The following SPAG16 variants were observed in gnomAD, a reference collection of about 807,000 sequenced individuals.
The protein encoded by SPAG16 is sperm-associated antigen 16 protein.
Under a neutral mutation model 80.4 loss-of-function variants are expected in SPAG16, and 86 were observed. That is an observed-to-expected ratio of 1.07 (90% confidence interval 0.90 to 1.28). The LOEUF (loss-of-function observed/expected upper bound fraction) is 1.28. SPAG16 is among the 50% of genes most tolerant of loss of function. SPAG16 has a pLI of 0.00. For missense variants in SPAG16, 870 were observed against 765.3 expected (o/e 1.14, Z -1.61); for synonymous variants, 294 against 265.9 (o/e 1.11, Z -1.03).
chr2:213,489,488 A>G (rs2074147379), intron 9 of SPAG16, among the ~76,000 whole-genome samples: 1 of 152,136 alleles, frequency 6.6e-6, no homozygotes, highest in Admixed American at 6.5e-5. Context: ...GTGTCCTTAG[A>G]TTTAAAAAGA....
chr2:213,298,763 T>G (rs951257221), intron 3 of SPAG16, among the ~76,000 whole-genome samples: 1 of 152,240 alleles, frequency 6.6e-6, no homozygotes, highest in East Asian at 1.9e-4. Context: ...AAGCTTTTCT[T>G]TATCATAACC....
chr2:213,850,264 G>A, intron 10 of SPAG16, among the ~76,000 whole-genome samples: 1 of 152,174 alleles, frequency 6.6e-6, no homozygotes, highest in East Asian at 1.9e-4. Flanking sequence ...AAACTAGAAA[G>A]ATGTGATACC....
In SPAG16 at chr2:214,124,488, A is replaced by G. The variant is rs374205163; in HGVS notation, c.1593+16227A>G. Among the ~76,000 whole-genome samples, 56 of 152,004 alleles carry G rather than the reference A, an allele frequency of 3.7e-4. 2 individuals carry two copies. The South Asian group carries it at 0.011, about 30-fold the overall frequency. ...AAGTATAAAAAACTACATGTATGATAAACAGCATGAATTTTTAAGATTGTT... is the reference window on the plus strand; with the variant it reads ...AAGTATAAAAAACTACATGTATGATGAACAGCATGAATTTTTAAGATTGTT... On this transcript the variant is annotated intron_variant, in intron 14 of 15. Transcript: ENST00000331683.
At chr2:213,728,802 G>A (rs955377308) in intron 10 of SPAG16, among the ~76,000 whole-genome samples, 1 of 146,794 alleles carries the variant, frequency 6.8e-6, no homozygotes, top group Non-Finnish European at 1.5e-5. Flanking sequence ...GCACGAACTC[G>A]GGAGGCAGAG....
chr2:214,236,311 T>A (rs1478846586), intron 15 of SPAG16, among the ~76,000 whole-genome samples: 1 of 152,188 alleles, frequency 6.6e-6, no homozygotes, highest in Non-Finnish European at 1.5e-5. Flanking sequence ...TAGGTGCTTA[T>A]AAAGAATTAC....
intron 10 of SPAG16, among the ~76,000 whole-genome samples, chr2:213,731,398 G>T (rs1486099971): frequency 3.3e-5 from 5 of 151,376 alleles, no homozygotes; most frequent in African/African-American, 1.2e-4. Flanking sequence ...GACATCAGGT[G>T]ATCCATCCAC....
chr2:214,163,659 G>A (rs1390136363), intron 15 of SPAG16, among the ~76,000 whole-genome samples: 2 of 151,504 alleles, frequency 1.3e-5, no homozygotes, highest in Admixed American at 1.3e-4. Context: ...GAGAAAGAGA[G>A]AGAGAGGAAA....
intron 15 of SPAG16, among the ~76,000 whole-genome samples, chr2:214,354,364 G>A (rs1454618604): frequency 6.6e-6 from 1 of 152,072 alleles, no homozygotes; most frequent in African/African-American, 2.4e-5. Flanking sequence ...CTATATCTCT[G>A]TTTTGGTACC....
rs150767057 is a variant in SPAG16 at position 214,106,855 on chromosome 2, C to T, written c.1528-1341C>T. The stretch of plus-strand genomic sequence containing the variant: ...TTGTTCCAGAAATGTGTGAGGCAAA[C>T]ATCTACTTGGAGACATTTGCTCTAG... On this transcript the variant is annotated intron_variant, in intron 13 of 15. Transcript: ENST00000331683. Among the ~76,000 whole-genome samples the T allele has an allele frequency of 7.0e-3, 1,059 of 152,234 alleles. 16 individuals are homozygous for T. Among genetic ancestry groups the T allele is most frequent in the African/African-American group, 0.024 (991 of 41,564 alleles).
At chr2:213,784,986 G>A (rs1475062735) in intron 10 of SPAG16, among the ~76,000 whole-genome samples, 1 of 152,122 alleles carries the variant, frequency 6.6e-6, no homozygotes, top group African/African-American at 2.4e-5. Context: ...AAGGCTAAGT[G>A]TAGTGCTTAC....
chr2:214,196,319 G>A (rs2057836951), intron 15 of SPAG16, among the ~76,000 whole-genome samples: 1 of 152,014 alleles, frequency 6.6e-6, no homozygotes, highest in Non-Finnish European at 1.5e-5. Flanking sequence ...AAGCATGAAA[G>A]AATTTCTTGT....
chr2:213,943,099 C>T (rs1007731430), intron 12 of SPAG16, among the ~76,000 whole-genome samples: 2 of 152,144 alleles, frequency 1.3e-5, no homozygotes, highest in South Asian at 2.1e-4. Flanking sequence ...TTAGATTTCC[C>T]GGCCTCCAGA....
At chr2:214,068,391 G>A (rs149532123) in intron 13 of SPAG16, among the ~76,000 whole-genome samples, 128 of 152,140 alleles carry the variant, frequency 8.4e-4, no homozygotes, top group African/African-American at 3.0e-3. Flanking sequence ...TATTTTAACT[G>A]GACATAGAGC....
At chr2:213,422,257 G>A (rs1013722406) in intron 9 of SPAG16, 25 of 702,034 alleles carry the variant, frequency 3.6e-5, no homozygotes, top group African/African-American at 3.0e-4. Flanking sequence ...CAAGCATCCA[G>A]ACGCCACTGA....
At chr2:213,685,271 G>T (rs758467130) in intron 10 of SPAG16, among the ~76,000 whole-genome samples, 5 of 152,226 alleles carry the variant, frequency 3.3e-5, no homozygotes, top group Non-Finnish European at 7.3e-5. Flanking sequence ...AGGTCACTGG[G>T]GTAGACCCCA....
chr2:213,767,827 G>A (rs1468421811), intron 10 of SPAG16, among the ~76,000 whole-genome samples: 1 of 152,166 alleles, frequency 6.6e-6, no homozygotes, highest in East Asian at 1.9e-4. Flanking sequence ...CAACAAATGA[G>A]CCTGCCACTG....
chr2:213,946,327 C>T (rs1247891294), intron 12 of SPAG16, among the ~76,000 whole-genome samples: 1 of 151,038 alleles, frequency 6.6e-6, no homozygotes, highest in African/African-American at 2.5e-5. Flanking sequence ...ATTGGCCAGG[C>T]TGGTCTTGAA....
intron 12 of SPAG16, among the ~76,000 whole-genome samples, chr2:213,997,609 A>G (rs1286296479): frequency 6.6e-6 from 1 of 152,216 alleles, no homozygotes; most frequent in Non-Finnish European, 1.5e-5. Flanking sequence ...TCCTCATTCA[A>G]ACATTAAAAA....
At chr2:213,797,994 G>T (rs762185150) in intron 10 of SPAG16, among the ~76,000 whole-genome samples, 1 of 152,080 alleles carries the variant, frequency 6.6e-6, no homozygotes, top group Non-Finnish European at 1.5e-5. Context: ...TCTTTCTTTT[G>T]ATTATATTTC....
Sources: allele counts gnomAD v4.1 joint callset (sites outside exome capture counted in the v4.1 genomes callset), GRCh38; gene constraint gnomAD v4.1.1; transcripts MANE v1.5; gene names NCBI Gene and HGNC (gene_info 2026-07-23, HGNC 2026-07-21).